The following NR6A1 variants were observed in gnomAD, a reference collection of about 807,000 sequenced individuals.
NR6A1 encodes nuclear receptor subfamily 6 group A member 1.
In NR6A1, 7 loss-of-function variants were observed where a neutral mutation model predicts 59.1. That is an observed-to-expected ratio of 0.12 (90% CI 0.07 to 0.22). NR6A1 has a LOEUF of 0.22. NR6A1 is among the 10% of genes least tolerant of loss of function. The probability of loss-of-function intolerance (pLI) is 1.00; values close to 1 mark genes in which losing one functional copy is unlikely to be tolerated. For synonymous variants in NR6A1, 243 were observed against 236.1 expected, an observed-to-expected ratio of 1.03 and a Z score of -0.27; for missense variants, 468 against 611.6, an observed-to-expected ratio of 0.77 and a Z score of 2.48.
At chr9:124,626,627 G>C (rs963409974) in intron 2 of NR6A1, among the ~76,000 whole-genome samples, 6 of 152,094 alleles carry the variant, frequency 3.9e-5, no homozygotes, top group Admixed American at 3.9e-4. Flanking sequence ...AACTTAAAAG[G>C]CTATCCCTAA....
chr9:124,704,537 A>G (rs1486223065), intron 2 of NR6A1, among the ~76,000 whole-genome samples: 1 of 152,046 alleles, frequency 6.6e-6, no homozygotes, highest in Non-Finnish European at 1.5e-5. Context: ...CAGCCTCCCA[A>G]GAAACACACA....
intron 2 of NR6A1, among the ~76,000 whole-genome samples, chr9:124,593,639 G>C (rs1835190963): frequency 6.6e-6 from 1 of 152,158 alleles, no homozygotes; most frequent in African/African-American, 2.4e-5. Context: ...CGTTGAAAGG[G>C]CACTCAAGTA....
intron 7 of NR6A1, among the ~76,000 whole-genome samples, chr9:124,528,700 A>AG (rs1833012542): frequency 6.6e-6 from 1 of 151,890 alleles, no homozygotes; most frequent in Admixed American, 6.6e-5. Flanking sequence ...ACCCTGTCTC[A>AG]GAAAAAAAAA....
At chr9:124,659,965 G>A (rs1837378966) in intron 2 of NR6A1, among the ~76,000 whole-genome samples, 1 of 152,034 alleles carries the variant, frequency 6.6e-6, no homozygotes, top group Non-Finnish European at 1.5e-5. Context: ...GCATAAATTT[G>A]GACTTTGGGA....
At chr9:124,633,992 T>C (rs1394400552) in intron 2 of NR6A1, among the ~76,000 whole-genome samples, 2 of 152,248 alleles carry the variant, frequency 1.3e-5, no homozygotes, top group Non-Finnish European at 2.9e-5. Context: ...CAGAATGTTT[T>C]TGGAATATGA....
chr9:124,700,502 T>C (rs1441212360), intron 2 of NR6A1, among the ~76,000 whole-genome samples: 1 of 152,186 alleles, frequency 6.6e-6, no homozygotes, highest in Admixed American at 6.5e-5. Context: ...ATTACAGACA[T>C]GAGCCACCAC....
intron 2 of NR6A1, among the ~76,000 whole-genome samples, chr9:124,583,683 G>A (rs960233633): frequency 1.3e-5 from 2 of 152,138 alleles, no homozygotes; most frequent in African/African-American, 4.8e-5. Flanking sequence ...TACTCGGTCA[G>A]GTTGTTTCAC....
chr9:124,558,436 C>A lies in NR6A1; in HGVS notation c.143-3866G>T, dbSNP rs1043977532. Among the ~76,000 whole-genome samples, 9 of 151,948 alleles carry A rather than the reference C, an allele frequency of 5.9e-5. No homozygotes were observed. The East Asian group carries it at 1.7e-3, about 29-fold the overall frequency. ...GAGGAACTAATTCAAAAGGGAGTTT[C>A]TCAGTGGTACAAAAGAAAGGCTCTC... On this transcript the variant is annotated intron_variant, in intron 2 of 9. Transcript: ENST00000487099.
chr9:124,768,823 T>G (rs559962041), intron 1 of NR6A1, among the ~76,000 whole-genome samples: 1 of 152,212 alleles, frequency 6.6e-6, no homozygotes, highest in African/African-American at 2.4e-5. Context: ...TCAAGTAGAA[T>G]TGAAAGCAAT....
At chr9:124,647,717 A>G (rs1836973497) in intron 2 of NR6A1, among the ~76,000 whole-genome samples, 1 of 140,300 alleles carries the variant, frequency 7.1e-6, no homozygotes, top group African/African-American at 2.7e-5. Flanking sequence ...ACAGAGTGAG[A>G]CCGTCTCAAA....
intron 2 of NR6A1, among the ~76,000 whole-genome samples, chr9:124,639,713 G>A (rs2130898267): frequency 6.6e-6 from 1 of 152,260 alleles, no homozygotes. Context: ...GAGGGCAAAT[G>A]GATCAATTAT....
intron 2 of NR6A1, among the ~76,000 whole-genome samples, chr9:124,642,255 G>C (rs1836787869): frequency 6.6e-6 from 1 of 152,080 alleles, no homozygotes; most frequent in Admixed American, 6.5e-5. Context: ...TTGCCATGTT[G>C]GCCAGGCTGG....
intron 2 of NR6A1, among the ~76,000 whole-genome samples, chr9:124,663,194 A>G (rs1837498801): frequency 6.6e-6 from 1 of 152,222 alleles, no homozygotes; most frequent in Non-Finnish European, 1.5e-5. Flanking sequence ...GTCAAGACCG[A>G]GTGCAACAAA....
chr9:124,529,864 GA>G (rs1166645897), intron 7 of NR6A1, among the ~76,000 whole-genome samples: 1 of 151,352 alleles, frequency 6.6e-6, no homozygotes, highest in African/African-American at 2.4e-5. Flanking sequence ...TTGGGAGTGG[GA>G]AAAAAAGTTC....
intron 2 of NR6A1, among the ~76,000 whole-genome samples, chr9:124,621,714 A>T (rs768144989): frequency 2.0e-5 from 3 of 152,162 alleles, no homozygotes; most frequent in Non-Finnish European, 4.4e-5. Context: ...ATAATAGCAA[A>T]TTTTTTAAAA....
intron 1 of NR6A1, among the ~76,000 whole-genome samples, chr9:124,744,290 A>T (rs773653810): frequency 1.4e-4 from 22 of 152,334 alleles, no homozygotes; most frequent in East Asian, 1.9e-4. Flanking sequence ...AATACAGAAA[A>T]ATATAAGAAA....
intron 2 of NR6A1, among the ~76,000 whole-genome samples, chr9:124,642,406 T>C (rs1383155858): frequency 8.5e-5 from 13 of 152,250 alleles, no homozygotes; most frequent in Admixed American, 3.9e-4. Context: ...ATGTAAATGG[T>C]TGCTGTCAGA....
At chr9:124,568,314 C>T (rs1265330411) in intron 2 of NR6A1, among the ~76,000 whole-genome samples, 5 of 151,534 alleles carry the variant, frequency 3.3e-5, no homozygotes, top group South Asian at 2.1e-4. Context: ...GGTGAAACCC[C>T]GTCTCTACTA....
intron 2 of NR6A1, among the ~76,000 whole-genome samples, chr9:124,720,540 A>G (rs936127380): frequency 6.6e-6 from 1 of 152,218 alleles, no homozygotes; most frequent in African/African-American, 2.4e-5. Flanking sequence ...TATGCTTACC[A>G]ACAAAGCACA....
Sources: allele counts gnomAD v4.1 joint callset (sites outside exome capture counted in the v4.1 genomes callset), GRCh38; gene constraint gnomAD v4.1.1; transcripts MANE v1.5; gene names NCBI Gene and HGNC (gene_info 2026-07-23, HGNC 2026-07-21).